The following PPP2R5D variants were observed in gnomAD, a reference collection of about 807,000 sequenced individuals.
The protein encoded by PPP2R5D is serine/threonine-protein phosphatase 2A 56 kDa regulatory subunit delta isoform.
In PPP2R5D, 12 loss-of-function variants were observed where a neutral mutation model predicts 79.1. The observed-to-expected ratio is 0.15, with a 90% CI of 0.10 to 0.25. The LOEUF (loss-of-function observed/expected upper bound fraction) is 0.25. Ranked by LOEUF, PPP2R5D falls within the 10% of genes least tolerant of loss-of-function variation. PPP2R5D has a pLI of 1.00. For missense variants in PPP2R5D, 419 were observed against 760.2 expected, an observed-to-expected ratio of 0.55 and a Z score of 5.28; for synonymous variants, 277 against 286.6, an observed-to-expected ratio of 0.97 and a Z score of 0.34.
chr6:42,996,513 A>AT (rs1771709960), intron 2 of PPP2R5D, among the ~76,000 whole-genome samples: 1 of 151,402 alleles, frequency 6.6e-6, no homozygotes, highest in Non-Finnish European at 1.5e-5. Context: ...AGAAAAAAAA[A>AT]CAAACAAATC....
chr6:42,985,284 A>G (rs1770751933), intron 1 of PPP2R5D, among the ~76,000 whole-genome samples: 1 of 152,040 alleles, frequency 6.6e-6, no homozygotes, highest in African/African-American at 2.4e-5. Context: ...TCCTTCACAC[A>G]CAAACTTGTA....
At chr6:43,000,108 G>A (rs1455015350) in intron 2 of PPP2R5D, among the ~76,000 whole-genome samples, 2 of 151,044 alleles carry the variant, frequency 1.3e-5, no homozygotes, top group African/African-American at 4.9e-5. Context: ...GCTAATTTTT[G>A]TATTTTTAGT....
chr6:42,988,708 C>T (rs1448423540), intron 1 of PPP2R5D, among the ~76,000 whole-genome samples: 2 of 152,196 alleles, frequency 1.3e-5, no homozygotes, highest in African/African-American at 4.8e-5. Flanking sequence ...GCCTGATGCT[C>T]ATGACTGAAC....
chr6:43,011,392 TC>T lies in PPP2R5D; in HGVS notation c.*107del. 1 of 1,449,930 alleles carries T rather than the reference TC, an allele frequency of 6.9e-7. No homozygotes were observed. The highest frequency in any genetic ancestry group is 2.4e-5 in the East Asian group (1 of 41,952). 89.8% of individuals were successfully genotyped at this position (1,449,930 alleles called of 1,614,324 possible). On this transcript the variant is annotated 3_prime_UTR_variant, in exon 16 of 16. Transcript: ENST00000485511. ...GGCTGTCTTGGGGGAAGGCAGCGCC[TC>T]TCTAGCTACTCAAGGGAGGGGGATG...
In PPP2R5D at chr6:43,007,342, A is replaced by G. The variant is rs1262734301; in HGVS notation, c.633+36A>G. 6.2e-7 allele frequency: 1 copy of G among 1,610,292 alleles called. No homozygotes were observed. Among genetic ancestry groups the G allele is most frequent in the Non-Finnish European group, 8.5e-7 (1 of 1,176,622 alleles). On this transcript the variant is annotated intron_variant, in intron 5 of 15. Transcript: ENST00000485511. The surrounding 1 kb of genome is among the most constrained non-coding windows in gnomAD (Gnocchi z 4.5). ...AAGGGGGCAGATTGGCCGTGGCTGC[A>G]GGGAGTGGGGCACTTGGAGGCCTGC...
chr6:43,006,782 G>A lies in PPP2R5D; in HGVS notation c.322+103G>A. 6.4e-7 allele frequency: 1 copy of A among 1,573,552 alleles called. No homozygotes were observed. The highest frequency in any genetic ancestry group is 8.7e-7 in the Non-Finnish European group (1 of 1,155,378). ...GTATTTTGCGGGGAAGGGAGTTCCAGAGAATGCGGGAAGGGGGTGCCAGGG... is the reference window on the plus strand; with the variant it reads ...GTATTTTGCGGGGAAGGGAGTTCCAAAGAATGCGGGAAGGGGGTGCCAGGG... On this transcript the variant is annotated intron_variant, in intron 3 of 15. Transcript: ENST00000485511. This position sits in a 1 kb window ranked among gnomAD's most constrained non-coding sequence, Gnocchi z 4.7.
intron 1 of PPP2R5D, among the ~76,000 whole-genome samples, chr6:42,986,195 G>A (rs1035549180): frequency 9.2e-5 from 14 of 152,130 alleles, no homozygotes; most frequent in Admixed American, 2.6e-4. Flanking sequence ...GCTGAGGTCT[G>A]ACTCAGAGGT....
Position 43,006,252 on chromosome 6 carries a change from G to T in PPP2R5D, c.106-211G>T, listed in dbSNP as rs1269604976. On this transcript the variant is annotated intron_variant, in intron 2 of 15. Transcript: ENST00000485511. The surrounding 1 kb of genome is among the most constrained non-coding windows in gnomAD (Gnocchi z 4.7). ...AAGGCTCTTGATGCACAAGCAGTGG[G>T]CATCTCTTTGGGTGATGTGACTTCT... Among the ~76,000 whole-genome samples the T allele has an allele frequency of 6.6e-6, 1 of 152,184 alleles. No homozygotes were observed. Among genetic ancestry groups the T allele is most frequent in the East Asian group, 1.9e-4 (1 of 5,192 alleles).
chr6:42,999,700 G>A (rs80200953), intron 2 of PPP2R5D, among the ~76,000 whole-genome samples: 2,396 of 151,930 alleles, frequency 0.016, 64 homozygotes, highest in African/African-American at 0.054. Flanking sequence ...TGAGTAGCTC[G>A]GATTACAGGC....
intron 2 of PPP2R5D, among the ~76,000 whole-genome samples, chr6:43,005,096 A>AT (rs777896877): frequency 2.1e-4 from 29 of 135,144 alleles, no homozygotes; most frequent in Non-Finnish European, 4.1e-4. Flanking sequence ...CCATTTATTC[A>AT]TTTTCTGTTA....
At chr6:42,986,300 G>A (rs1252479695) in intron 1 of PPP2R5D, among the ~76,000 whole-genome samples, 1 of 152,076 alleles carries the variant, frequency 6.6e-6, no homozygotes, top group Non-Finnish European at 1.5e-5. Flanking sequence ...GCCCTTTTTG[G>A]TGGGGGTTGG....
intron 2 of PPP2R5D, among the ~76,000 whole-genome samples, chr6:42,997,297 A>G (rs9767453): frequency 0.032 from 4,838 of 151,142 alleles, 258 homozygotes; most frequent in African/African-American, 0.11. Context: ...GACTGAAGTG[A>G]TTTTCCTCCC....
chr6:43,011,484 C>T lies in PPP2R5D; in HGVS notation c.*198C>T. The T allele has an allele frequency of 1.4e-6, 1 of 693,328 alleles. No homozygotes were observed. Among genetic ancestry groups the T allele is most frequent in the Non-Finnish European group, 2.4e-6 (1 of 423,266 alleles). The allele number at this position is 693,328 out of a possible 1,614,324, so 42.9% of individuals were successfully genotyped here. A position where few individuals can be genotyped will look rare whatever the true frequency, so the allele number is the denominator to read the frequency against. ...TCTCCCCAAAAGGTGTTCATGCCTC[C>T]CTGTGGCTAGTACAGGCTGAGCACT... On this transcript the variant is annotated 3_prime_UTR_variant, in exon 16 of 16. Transcript: ENST00000485511.
chr6:43,001,096 T>A (rs1772163867), intron 2 of PPP2R5D, among the ~76,000 whole-genome samples: 1 of 152,196 alleles, frequency 6.6e-6, no homozygotes, highest in Admixed American at 6.5e-5. Context: ...TGGAAGAAGG[T>A]GGGACTTAAA....
intron 2 of PPP2R5D, among the ~76,000 whole-genome samples, chr6:42,996,103 C>CAAAG (rs1426761296): frequency 1.5e-4 from 22 of 147,224 alleles, no homozygotes; most frequent in Non-Finnish European, 2.8e-4. Context: ...CTCGGCCTCC[C>CAAAG]AAAGGGCTGG....
intron 2 of PPP2R5D, among the ~76,000 whole-genome samples, chr6:42,990,236 G>C (rs1001505351): frequency 6.6e-6 from 1 of 152,230 alleles, no homozygotes; most frequent in African/African-American, 2.4e-5. Context: ...CCAGAAGAGG[G>C]AGAGACTTAA....
chr6:42,986,494 G>A (rs1035031369), intron 1 of PPP2R5D, among the ~76,000 whole-genome samples: 2 of 152,106 alleles, frequency 1.3e-5, no homozygotes, highest in Non-Finnish European at 2.9e-5. Context: ...ACCTTTCAGG[G>A]CCTGAGGTTC....
At chr6:42,993,768 C>T (rs1025656916) in intron 2 of PPP2R5D, among the ~76,000 whole-genome samples, 1 of 152,220 alleles carries the variant, frequency 6.6e-6, no homozygotes, top group African/African-American at 2.4e-5. Context: ...TCACCCCAAT[C>T]CAGTATGATC....
chr6:43,011,627 C>A lies in PPP2R5D; in HGVS notation c.*341C>A. The stretch of plus-strand genomic sequence containing the variant: ...GGAATACATACGCTCCTCTATTCTT[C>A]CCTTCATCCTCATTTGAACGCCAGG... On this transcript the variant is annotated 3_prime_UTR_variant, in exon 16 of 16. Coordinates refer to ENST00000485511, the MANE Select transcript of PPP2R5D (RefSeq NM_006245.4). The A allele has an allele frequency of 3.3e-6, 1 of 300,374 alleles. No homozygotes were observed. The highest frequency in any genetic ancestry group is 6.3e-6 in the Non-Finnish European group (1 of 158,750). 18.6% of individuals were successfully genotyped at this position (300,374 alleles called of 1,614,324 possible).
Sources: gnomAD v4.1 joint callset for allele counts (sites outside exome capture counted in the v4.1 genomes callset) on GRCh38, gnomAD v4.1.1 for gene constraint, Gnocchi (gnomAD v3.1) non-coding constraint, MANE v1.5 for transcripts, NCBI Gene and HGNC (gene_info 2026-07-23, HGNC 2026-07-21) for gene names.